BDP1: variants seen among roughly 807,000 people sequenced by gnomAD.
BDP1 encodes BDP1 general transcription factor IIIB subunit.
BDP1 carries 169 observed loss-of-function variants against 266.6 expected under a neutral mutation model. The observed-to-expected ratio is 0.63, with a 90% CI of 0.56 to 0.72. The LOEUF is 0.72. BDP1 is among the 30% of genes least tolerant of loss of function. The pLI is 0.00. For synonymous variants in BDP1, 1,090 were observed against 1,022.4 expected, an observed-to-expected ratio of 1.07 and a Z score of -1.26; for missense variants, 3,015 against 3,053.8, an observed-to-expected ratio of 0.99 and a Z score of 0.30.
chr5:71,525,337 G>A (rs1415314444), intron 25 of BDP1, among the ~76,000 whole-genome samples: 13 of 148,444 alleles, frequency 8.8e-5, no homozygotes, highest in Non-Finnish European at 1.7e-4. Context: ...CAGTAGGGGC[G>A]GCCGGGCAGA....
chr5:71,517,784 C>T (rs1765297383), intron 22 of BDP1, among the ~76,000 whole-genome samples: 4 of 152,026 alleles, frequency 2.6e-5, no homozygotes, highest in Admixed American at 2.6e-4. Context: ...GAAATTTAGG[C>T]CAGGCGCAGT....
At chr5:71,456,212 A>C in intron 1 of BDP1, 123 bp downstream of exon 1, 1 of 950,476 alleles carries the variant, frequency 1.1e-6, no homozygotes. Context: ...CTTTCAGTTG[A>C]GGCTTGATGA....
chr5:71,479,586 G>A (rs139403837), intron 7 of BDP1, among the ~76,000 whole-genome samples: 1,555 of 149,436 alleles, frequency 0.01, 24 homozygotes, highest in African/African-American at 0.037. Flanking sequence ...TCGCTCTTTT[G>A]CCCAGGCCAG....
At chr5:71,564,339 T>C (rs1743890951) in intron 38 of BDP1, among the ~76,000 whole-genome samples, 1 of 136,966 alleles carries the variant, frequency 7.3e-6, no homozygotes, top group African/African-American at 2.6e-5. Flanking sequence ...ATTATGCAAA[T>C]AATTAAAGTA....
intron 12 of BDP1, among the ~76,000 whole-genome samples, chr5:71,496,060 G>C (rs1282308642): frequency 6.6e-6 from 1 of 152,000 alleles, no homozygotes; most frequent in African/African-American, 2.4e-5. Context: ...GGCTAACACA[G>C]TGAAACGCTG....
chr5:71,491,580 A>G (rs950555111), intron 11 of BDP1, among the ~76,000 whole-genome samples: 8 of 152,174 alleles, frequency 5.3e-5, no homozygotes, highest in Non-Finnish European at 8.8e-5. Flanking sequence ...GTTGTTAACT[A>G]TAAGCACAGT....
chr5:71,456,469 A>G (rs1198408672), intron 1 of BDP1, among the ~76,000 whole-genome samples: 1 of 152,178 alleles, frequency 6.6e-6, no homozygotes, highest in African/African-American at 2.4e-5. Flanking sequence ...TAAAATATTT[A>G]TTTTTTAAAG....
chr5:71,517,096 A>G (rs1765262404), intron 21 of BDP1, among the ~76,000 whole-genome samples: 1 of 152,204 alleles, frequency 6.6e-6, no homozygotes, highest in African/African-American at 2.4e-5. Context: ...CCATGGTGGT[A>G]TCTGCCTGTA....
At chr5:71,544,776 A>G (rs1334793539) in intron 31 of BDP1, among the ~76,000 whole-genome samples, 1 of 146,444 alleles carries the variant, frequency 6.8e-6, no homozygotes, top group Admixed American at 7.1e-5. Flanking sequence ...GCTACTTGGG[A>G]GGCCGAGGCA....
intron 25 of BDP1, among the ~76,000 whole-genome samples, chr5:71,525,532 G>A (rs1351156654): frequency 3.1e-5 from 4 of 129,956 alleles, no homozygotes; most frequent in African/African-American, 1.2e-4. Flanking sequence ...GGCTGGCCGG[G>A]CGGGGGGCTG....
chr5:71,500,523 C>T (rs1764171573), intron 13 of BDP1, among the ~76,000 whole-genome samples: 1 of 151,674 alleles, frequency 6.6e-6, no homozygotes, highest in Non-Finnish European at 1.5e-5. Context: ...AACGGGGTTT[C>T]ACCATGTTAG....
At chr5:71,508,839 G>A (rs1764733742) in intron 16 of BDP1, among the ~76,000 whole-genome samples, 1 of 152,196 alleles carries the variant, frequency 6.6e-6, no homozygotes, top group African/African-American at 2.4e-5. Context: ...TAGTGGTTGT[G>A]TGCCCAGTAG....
intron 36 of BDP1, among the ~76,000 whole-genome samples, chr5:71,558,624 G>A (rs557767808): frequency 1.3e-5 from 2 of 151,970 alleles, no homozygotes; most frequent in African/African-American, 4.8e-5. Flanking sequence ...TCAGGAGTTC[G>A]AGACCAGCCT....
chr5:71,463,829 TAAAA>T (rs5868597), intron 3 of BDP1, among the ~76,000 whole-genome samples: 17 of 144,406 alleles, frequency 1.2e-4, no homozygotes, highest in Non-Finnish European at 7.5e-5. Flanking sequence ...GTTGTTGTAT[TAAAA>T]AAAAAAAAAA....
In BDP1 at chr5:71,513,347, A is replaced by G; in HGVS notation, c.4410A>G (p.Lys1470=). Residue 1470 remains lysine, a synonymous_variant, in exon 19 of 39, where the codon AAA becomes AAG. Transcript: ENST00000358731. The part of the protein sequence containing the change: ...YIYEKKSETK[K]METIVMQENN... ...ATGAGAAGAAATCAGAAACCAAGAA[A>G]ATGGAGACTATTGTGATGCAAGAAA... 1 of 1,604,298 alleles carries G rather than the reference A, an allele frequency of 6.2e-7. No homozygotes were observed.
the BDP1 span, among the ~76,000 whole-genome samples, chr5:71,573,768 TG>T: frequency 6.6e-6 from 1 of 152,214 alleles, no homozygotes; most frequent in South Asian, 2.1e-4. Flanking sequence ...GAATGTCAAA[TG>T]GCACTCCCAG....
chr5:71,533,683 C>G lies in BDP1; in HGVS notation c.5892+1256C>G, dbSNP rs1291188246. Among the ~76,000 whole-genome samples, 4 of 151,636 alleles carry G rather than the reference C, an allele frequency of 2.6e-5. No homozygotes were observed. The South Asian group carries it at 6.3e-4, about 24-fold the overall frequency. ...CTTGCTGTGTTGTTCAGGCTGGTCT[C>G]GTACTCCTGTCCTCAAGTGATACTT... On this transcript the variant is annotated intron_variant, in intron 26 of 38. Coordinates refer to ENST00000358731, the MANE Select transcript of BDP1 (RefSeq NM_018429.3).
intron 15 of BDP1, among the ~76,000 whole-genome samples, chr5:71,504,046 G>A (rs1764420658): frequency 1.3e-5 from 2 of 151,500 alleles, no homozygotes. Flanking sequence ...GCCGAGGTGG[G>A]CGGATCACGA....
chr5:71,459,380 C>T (rs551393951), intron 2 of BDP1, among the ~76,000 whole-genome samples: 13 of 152,198 alleles, frequency 8.5e-5, no homozygotes, highest in East Asian at 3.9e-4. Context: ...GGCCTGGTGA[C>T]GTGCATCTGT....
Sources: allele counts gnomAD v4.1 joint callset (sites outside exome capture counted in the v4.1 genomes callset), GRCh38; gene constraint gnomAD v4.1.1; transcripts MANE v1.5; gene names NCBI Gene and HGNC (gene_info 2026-07-23, HGNC 2026-07-21).